TNFRSF10C: variants seen among roughly 807,000 people sequenced by gnomAD.
TNFRSF10C encodes TNF receptor superfamily member 10c, also known as tumor necrosis factor receptor superfamily member 10C.
TNFRSF10C carries 17 observed loss-of-function variants against 16.7 expected under a neutral mutation model. That is an observed-to-expected ratio of 1.02 (90% CI 0.70 to 1.53). The LOEUF (loss-of-function observed/expected upper bound fraction) is 1.53. Ranked by LOEUF, TNFRSF10C falls within the 40% of genes most tolerant of loss-of-function variation. The pLI is 0.00. For missense variants in TNFRSF10C, 237 were observed against 329.7 expected, an observed-to-expected ratio of 0.72 and a Z score of 2.18; for synonymous variants, 73 against 119.7, an observed-to-expected ratio of 0.61 and a Z score of 2.55.
chr8:23,106,771 G>C (rs185889948), intron 1 of TNFRSF10C, among the ~76,000 whole-genome samples: 1 of 152,064 alleles, frequency 6.6e-6, no homozygotes, highest in Non-Finnish European at 1.5e-5. Context: ...TGGATCACGA[G>C]GTCAGGAGAT....
At chr8:23,107,481 CTT>C (rs2128830214) in intron 1 of TNFRSF10C, among the ~76,000 whole-genome samples, 1 of 152,282 alleles carries the variant, frequency 6.6e-6, no homozygotes, top group African/African-American at 2.4e-5. Context: ...AAAATGTACA[CTT>C]TGTTTCATGC....
At chr8:23,104,213 G>A (rs1169169882) in intron 1 of TNFRSF10C, among the ~76,000 whole-genome samples, 1 of 152,232 alleles carries the variant, frequency 6.6e-6, no homozygotes, top group Admixed American at 6.5e-5. Context: ...ACGGTTTTGG[G>A]AATGTGAACT....
intron 3 of TNFRSF10C, 90 bp downstream of exon 3, chr8:23,114,860 C>T (rs1220052322): frequency 1.9e-6 from 2 of 1,036,882 alleles, no homozygotes; most frequent in Non-Finnish European, 3.0e-6. Context: ...AACCAAGTTC[C>T]AGCCCAACCT....
intron 1 of TNFRSF10C, among the ~76,000 whole-genome samples, chr8:23,110,575 C>G (rs1271788045): frequency 6.6e-6 from 1 of 152,174 alleles, no homozygotes; most frequent in African/African-American, 2.4e-5. Flanking sequence ...CACTCTATTC[C>G]GATTTCTCCA....
chr8:23,109,817 G>C (rs926077616), intron 1 of TNFRSF10C, among the ~76,000 whole-genome samples: 6 of 152,010 alleles, frequency 3.9e-5, no homozygotes, highest in Admixed American at 3.9e-4. Flanking sequence ...TGTAATCCCA[G>C]TACTTTGGGA....
chr8:23,110,803 T>A lies in TNFRSF10C; in HGVS notation c.61-917T>A, dbSNP rs190923800. 5.3e-5 allele frequency among the ~76,000 whole-genome samples: 8 copies of A among 152,338 alleles called. No homozygotes were observed. The East Asian group carries it at 1.5e-3, about 29-fold the overall frequency. ...ATTTGTAAAGCTGAGTATGTTTAAGTGTGTGTCTGTGTGTATTTGTGTGTG... is the reference window on the plus strand; with the variant it reads ...ATTTGTAAAGCTGAGTATGTTTAAGAGTGTGTCTGTGTGTATTTGTGTGTG... On this transcript the variant is annotated intron_variant, in intron 1 of 4. Coordinates refer to ENST00000356864, the MANE Select transcript of TNFRSF10C (RefSeq NM_003841.5).
intron 1 of TNFRSF10C, among the ~76,000 whole-genome samples, chr8:23,107,026 G>A (rs543509981): frequency 6.6e-6 from 1 of 152,138 alleles, no homozygotes; most frequent in South Asian, 2.1e-4. Flanking sequence ...TCTTGCACCT[G>A]TTGTTTTTCA....
intron 1 of TNFRSF10C, among the ~76,000 whole-genome samples, chr8:23,105,612 A>T (rs530080726): frequency 1.3e-5 from 2 of 152,308 alleles, no homozygotes; most frequent in South Asian, 4.1e-4. Flanking sequence ...AGTGAGCAGG[A>T]AATGTCTCCA....
At chr8:23,116,238 C>G (rs138827637) in intron 4 of TNFRSF10C, among the ~76,000 whole-genome samples, 3 of 152,186 alleles carry the variant, frequency 2.0e-5, no homozygotes, top group Admixed American at 2.0e-4. Flanking sequence ...TAATGTTTGC[C>G]GTGATAGGGA....
At chr8:23,107,610 A>G (rs191690027) in intron 1 of TNFRSF10C, among the ~76,000 whole-genome samples, 3 of 152,382 alleles carry the variant, frequency 2.0e-5, no homozygotes, top group African/African-American at 4.8e-5. Context: ...GTATGCATAA[A>G]AAGTCAGTTT....
rs868502703 is a variant in TNFRSF10C at position 23,103,063 on chromosome 8, C to T, written c.-59C>T. On this transcript the variant is annotated 5_prime_UTR_variant, in exon 1 of 5. Coordinates refer to ENST00000356864, the MANE Select transcript of TNFRSF10C (RefSeq NM_003841.5). ...AACTCTGGGGACAGAGCGCCCCGGC[C>T]GCCTGATGGCCGAGGCAGGGTGCGA... 4 of 1,586,320 alleles carry T rather than the reference C, an allele frequency of 2.5e-6. No homozygotes were observed. Among genetic ancestry groups the T allele is most frequent in the Middle Eastern group, 3.3e-4 (2 of 6,034 alleles).
intron 1 of TNFRSF10C, among the ~76,000 whole-genome samples, chr8:23,104,569 C>G (rs1167436337): frequency 2.0e-5 from 3 of 152,210 alleles, no homozygotes; most frequent in Non-Finnish European, 4.4e-5. Flanking sequence ...TTGAATTCTA[C>G]TTCTCCTTCT....
intron 2 of TNFRSF10C, among the ~76,000 whole-genome samples, chr8:23,113,561 C>A (rs1454450667): frequency 6.6e-6 from 1 of 152,174 alleles, no homozygotes; most frequent in East Asian, 1.9e-4. Context: ...GCTGTCCTTT[C>A]CCCATTTTGT....
Position 23,117,025 on chromosome 8 carries a change from T to C in TNFRSF10C, c.774T>C (p.Phe258=), listed in dbSNP as rs776274310. 52 of 1,613,224 alleles carry C rather than the reference T, an allele frequency of 3.2e-5. No homozygotes were observed. Among genetic ancestry groups the C allele is most frequent in the Non-Finnish European group, 8.5e-7 (1 of 1,179,468 alleles). ...TTCTAATTGTGCTTCTGATTGTGTT[T>C]GTTTGAAAGACTTCACTGTGGAAGA... ...IIVLIVLLIV[F]V The change falls in exon 5 of 5, where the codon TTT becomes TTC. Residue 258 remains phenylalanine (F), a synonymous_variant. Coordinates refer to ENST00000356864, the MANE Select transcript of TNFRSF10C (RefSeq NM_003841.5).
At chr8:23,105,815 G>C (rs1243311225) in intron 1 of TNFRSF10C, among the ~76,000 whole-genome samples, 1 of 152,228 alleles carries the variant, frequency 6.6e-6, no homozygotes, top group Non-Finnish European at 1.5e-5. Context: ...CTTCCAGCCA[G>C]AGAATGCACA....
intron 1 of TNFRSF10C, among the ~76,000 whole-genome samples, chr8:23,108,873 A>G (rs188117339): frequency 3.3e-5 from 5 of 152,098 alleles, no homozygotes; most frequent in African/African-American, 1.2e-4. Context: ...GTTCTGGGCT[A>G]TAAAACACAC....
In TNFRSF10C at chr8:23,109,797, G is replaced by C. The variant is rs1813846255; in HGVS notation, c.61-1923G>C. Among the ~76,000 whole-genome samples, 4 of 152,132 alleles carry C rather than the reference G, an allele frequency of 2.6e-5. No homozygotes were observed. In the South Asian group the frequency reaches 8.3e-4, roughly 32 times the overall value. On this transcript the variant is annotated intron_variant, in intron 1 of 4. Coordinates refer to ENST00000356864, the MANE Select transcript of TNFRSF10C (RefSeq NM_003841.5). The stretch of plus-strand genomic sequence containing the variant: ...ACTGAGAAAACCAACTGTGTGCGGT[G>C]GCTTACGCCTGTAATCCCAGTACTT...
At chr8:23,112,988 T>C (rs1281086582) in intron 2 of TNFRSF10C, among the ~76,000 whole-genome samples, 3 of 152,230 alleles carry the variant, frequency 2.0e-5, no homozygotes, top group African/African-American at 7.2e-5. Flanking sequence ...TTACCTTTTG[T>C]CTTTTTGGTA....
At chr8:23,114,565 C>T in intron 2 of TNFRSF10C, 92 bp from the exon 3 acceptor site, 1 of 998,078 alleles carries the variant, frequency 1.0e-6, no homozygotes, top group Non-Finnish European at 1.6e-6. Context: ...TGTCTCAATT[C>T]CAGTGAGGGC....
Sources: allele counts gnomAD v4.1 joint callset (sites outside exome capture counted in the v4.1 genomes callset), GRCh38; gene constraint gnomAD v4.1.1; transcripts MANE v1.5; gene names NCBI Gene and HGNC (gene_info 2026-07-23, HGNC 2026-07-21).